Variants in AMBP observed in about 807,000 individuals in gnomAD.
AMBP encodes the protein protein AMBP.
In AMBP, 37 loss-of-function variants were observed where a neutral mutation model predicts 46.3. The observed-to-expected ratio is 0.80, with a 90% CI of 0.61 to 1.05. AMBP has a LOEUF of 1.05. Among genes scored for constraint, AMBP ranks in the 50% least tolerant of loss-of-function variants. AMBP has a pLI of 0.00. For missense variants in AMBP, 475 were observed against 461.2 expected (o/e 1.03, Z -0.27); for synonymous variants, 174 against 175.9 (o/e 0.99, Z 0.09).
At position 114,060,943 on chromosome 9, in the gene AMBP, A is replaced by T; in HGVS notation, c.1009T>A (p.Cys337Ser). Residue 337 changes from cysteine (C) to serine (S), a missense_variant, in exon 9 of 10, where the codon TGC (cysteine) becomes AGC (serine). By Grantham distance (112) the Cys-to-Ser change is moderately radical. Transcript: ENST00000265132. Reference protein sequence around the residue: ...FYSEKECREYCGVPGDGDEEL... With the variant: ...FYSEKECREYSGVPGDGDEEL... ...TGCCTACCATCACCAGGGACACCGC[A>T]GTACTCTCTGCACTCCTTCTCTGAG... 1.9e-6 allele frequency: 3 copies of T among 1,614,114 alleles called. No individual in the cohort carries two copies. The highest frequency in any genetic ancestry group is 2.5e-6 in the Non-Finnish European group (3 of 1,179,986).
chr9:114,061,725 A>C, intron 7 of AMBP, 134 bp from the exon 8 acceptor site: 1 of 1,093,280 alleles, frequency 9.1e-7, no homozygotes. Flanking sequence ...AAGCAAACTG[A>C]CTCTCAGAGA....
intron 4 of AMBP, 46 bp downstream of exon 4, chr9:114,073,990 C>T (rs1171153499): frequency 5.1e-6 from 8 of 1,570,270 alleles, no homozygotes; most frequent in Non-Finnish European, 7.0e-6. Context: ...AATCAATGTC[C>T]TCCCACCCTT....
chr9:114,071,104 C>CAAGTGGGAGCCCT (rs1464167927), intron 5 of AMBP, among the ~76,000 whole-genome samples: 5 of 152,196 alleles, frequency 3.3e-5, no homozygotes, highest in Non-Finnish European at 7.4e-5. Context: ...GAGCTGGGCA[C>CAAGTGGGAGCCCT]AAGTGGGAGC....
chr9:114,061,699 TC>T, intron 7 of AMBP, 108 bp from the exon 8 acceptor site: 1 of 1,309,980 alleles, frequency 7.6e-7, no homozygotes, highest in Non-Finnish European at 1.0e-6. Context: ...AAAAGGATTA[TC>T]AATTCTTTTT....
chr9:114,072,925 C>T lies in AMBP; in HGVS notation c.556G>A (p.Gly186Ser), dbSNP rs201558698. ...EDSIFTMADRGECVPGEQEPE... is the reference protein window; with the variant it reads ...EDSIFTMADRSECVPGEQEPE... ...TTTGAGGCGGAGGGGTGCTATGTACCTCGGTCAGCCATGGTGAAGATGGAG... is the reference window on the plus strand; with the variant it reads ...TTTGAGGCGGAGGGGTGCTATGTACTTCGGTCAGCCATGGTGAAGATGGAG... Residue 186 changes from glycine (G) to serine (S), a missense_variant and splice_region_variant, in exon 5 of 10, where the codon GGT becomes AGT. By Grantham distance (56) the Gly-to-Ser change is moderately conservative. Around this residue, in one of 3 missense-constraint regions of AMBP, gnomAD observed 293 missense variants for 276.9 expected, o/e 1.06. Transcript: ENST00000265132. 1 of 1,613,572 alleles carries T rather than the reference C, an allele frequency of 6.2e-7. No homozygotes were observed. The highest frequency in any genetic ancestry group is 1.3e-5 in the African/African-American group (1 of 74,906).
chr9:114,068,659 G>A (rs1846715364), intron 6 of AMBP, among the ~76,000 whole-genome samples: 1 of 151,410 alleles, frequency 6.6e-6, no homozygotes, highest in South Asian at 2.1e-4. Context: ...TTAAAAATTA[G>A]AAATAGCACT....
At chr9:114,061,396 G>A (rs1425535200) in intron 8 of AMBP, 28 bp downstream of exon 8, 1 of 1,613,748 alleles carries the variant, frequency 6.2e-7, no homozygotes, top group South Asian at 1.1e-5. Flanking sequence ...AGGGTGCAGA[G>A]CGCACAGGGG....
At chr9:114,062,040 A>AATT (rs1298455262) in intron 7 of AMBP, among the ~76,000 whole-genome samples, 1 of 152,082 alleles carries the variant, frequency 6.6e-6, no homozygotes, top group African/African-American at 2.4e-5. Flanking sequence ...ACACAGTGTG[A>AATT]ATTCCCCTTT....
chr9:114,078,263 A>G lies in AMBP; in HGVS notation c.-54T>C, dbSNP rs372537591. 6 of 1,539,698 alleles carry G rather than the reference A, an allele frequency of 3.9e-6. No homozygotes were observed. In the South Asian group the frequency reaches 6.7e-5, roughly 17 times the overall value. ...CCCACAGGCTCGGTCTAGCAACAGA[A>G]GGGCCACCGCCTCCCTGCAACAGGG... On this transcript the variant is annotated 5_prime_UTR_variant, in exon 1 of 10. Transcript: ENST00000265132.
intron 6 of AMBP, among the ~76,000 whole-genome samples, chr9:114,062,987 T>C (rs892562449): frequency 6.6e-6 from 1 of 151,952 alleles, no homozygotes; most frequent in Non-Finnish European, 1.5e-5. Flanking sequence ...AACCATGAGG[T>C]ATGACAATAG....
rs569151263 is a variant in AMBP, at chr9:114,069,616, C to G, written c.603+83G>C. The G allele has an allele frequency of 8.9e-5, 122 of 1,366,258 alleles. No individual in the cohort carries two copies. The East Asian group carries it at 2.7e-3, about 31-fold the overall frequency. The allele number at this position is 1,366,258 out of a possible 1,614,324, so 84.6% of individuals were successfully genotyped here. Reference sequence around the variant, plus strand: ...CCCTCCCCATGACTCTGCCTCCCCCCGCAGCAGGATCAAGTGTGCAGCGTG... The same window carrying G: ...CCCTCCCCATGACTCTGCCTCCCCCGGCAGCAGGATCAAGTGTGCAGCGTG... On this transcript the variant is annotated intron_variant, in intron 6 of 9. Transcript: ENST00000265132.
At chr9:114,069,614 C>T (rs552450342) in intron 6 of AMBP, 85 bp downstream of exon 6, 18 of 1,352,366 alleles carry the variant, frequency 1.3e-5, no homozygotes, top group Non-Finnish European at 1.9e-5. Flanking sequence ...TCTGCCTCCC[C>T]CCGCAGCAGG....
At chr9:114,065,617 G>A (rs375482383) in intron 6 of AMBP, among the ~76,000 whole-genome samples, 7 of 151,918 alleles carry the variant, frequency 4.6e-5, no homozygotes, top group South Asian at 2.1e-4. Flanking sequence ...TGTGCACCTC[G>A]GGGCAGTTCA....
rs1188612365 is a variant in AMBP at position 114,073,063 on chromosome 9, C to G, written c.455-37G>C. On this transcript the variant is annotated intron_variant, in intron 4 of 9. Transcript: ENST00000265132. ...AAGCAGAGGAGACGCCTAGAACCAC[C>G]AGGTGCTTGGAGTGGAAGGGCCTGA... 3.8e-6 allele frequency: 6 copies of G among 1,584,116 alleles called. No individual in the cohort carries two copies. In the African/African-American group the frequency reaches 8.1e-5, roughly 21 times the overall value.
Position 114,076,711 on chromosome 9 carries a change from G to A in AMBP, c.147C>T (p.Ile49=), listed in dbSNP as rs374441048. ...TCTTCAGCCAGGGGCAGGTGGAACCGATGGCCAGGTTGTACCACTTCCCAT... is the reference window on the plus strand; with the variant it reads ...TCTTCAGCCAGGGGCAGGTGGAACCAATGGCCAGGTTGTACCACTTCCCAT... ...RIYGKWYNLA[I]GSTCPWLKKI... is the part of the protein sequence containing the mutation. Residue 49 remains isoleucine, a synonymous_variant, in exon 2 of 10, where the codon ATC becomes ATT. Transcript: ENST00000265132. 29 of 1,613,892 alleles carry A rather than the reference G, an allele frequency of 1.8e-5. No individual in the cohort carries two copies. Among genetic ancestry groups the A allele is most frequent in the African/African-American group, 9.3e-5 (7 of 74,882 alleles).
chr9:114,061,451 C>T lies in AMBP; in HGVS notation c.826G>A (p.Glu276Lys). The T allele has an allele frequency of 6.8e-6, 11 of 1,614,096 alleles. No individual in the cohort carries two copies. Among genetic ancestry groups the T allele is most frequent in the South Asian group, 1.1e-5 (1 of 91,076 alleles). The change falls in exon 8 of 10, where the codon GAG (glutamate) becomes AAG (lysine). Residue 276 changes from glutamate (E) to lysine (K), a missense_variant. Transcript: ENST00000265132. ...GNGNNFVTEK[E>K]CLQTCRTVAA... Reference sequence around the variant, plus strand: ...ACAGTTCGGCAGGTCTGCAGACACTCCTTTTCTGTGACGAAGTTGTTACCG... The same window carrying T: ...ACAGTTCGGCAGGTCTGCAGACACTTCTTTTCTGTGACGAAGTTGTTACCG...
chr9:114,072,926 T>C lies in AMBP; in HGVS notation c.555A>G (p.Arg185=), dbSNP rs781161464. The stretch of plus-strand genomic sequence containing the variant: ...TTGAGGCGGAGGGGTGCTATGTACC[T>C]CGGTCAGCCATGGTGAAGATGGAGT... ...PEDSIFTMAD[R]GECVPGEQEP... Residue 185 remains arginine (R), a splice_region_variant and synonymous_variant, in exon 5 of 10, where the codon CGA becomes CGG. Coordinates refer to ENST00000265132, the MANE Select transcript of AMBP (RefSeq NM_001633.4). 1.2e-6 allele frequency: 2 copies of C among 1,613,726 alleles called. No homozygotes were observed. The highest frequency in any genetic ancestry group is 1.7e-6 in the Non-Finnish European group (2 of 1,179,764).
At chr9:114,066,967 G>A (rs748870357) in intron 6 of AMBP, among the ~76,000 whole-genome samples, 1 of 152,162 alleles carries the variant, frequency 6.6e-6, no homozygotes, top group Non-Finnish European at 1.5e-5. Context: ...TTGAGACAGA[G>A]TCTTGCCCTG....
intron 5 of AMBP, among the ~76,000 whole-genome samples, chr9:114,072,212 G>A (rs779172964): frequency 6.6e-6 from 1 of 152,174 alleles, no homozygotes; most frequent in Non-Finnish European, 1.5e-5. Context: ...TCCCTCTTTG[G>A]GGCCCTGCAG....
Sources: gnomAD v4.1 joint callset for allele counts (sites outside exome capture counted in the v4.1 genomes callset) on GRCh38, gnomAD v4.1.1 for gene constraint, gnomAD v4.1.1 regional missense constraint, MANE v1.5 for transcripts, NCBI Gene and HGNC (gene_info 2026-07-23, HGNC 2026-07-21) for gene names.